The following ALG13 variants were observed in gnomAD, a reference collection of about 807,000 sequenced individuals.
ALG13 encodes ALG13 UDP-N-acetylglucosaminyltransferase subunit.
Under a neutral mutation model 87.8 loss-of-function variants are expected in ALG13, and 11 were observed. The observed-to-expected ratio is 0.13, with a 90% CI of 0.08 to 0.21. The LOEUF is 0.21. Ranked by LOEUF, ALG13 falls within the 10% of genes least tolerant of loss-of-function variation. The pLI is 1.00. For synonymous variants in ALG13, 320 were observed against 306.3 expected, an observed-to-expected ratio of 1.04 and a Z score of -0.47; for missense variants, 756 against 866.1, an observed-to-expected ratio of 0.87 and a Z score of 1.60.
chrX:111,757,138 T>A (rs1945328366), intron 25 of ALG13: 1 of 113,308 alleles, frequency 8.8e-6, no homozygotes, highest in African/African-American at 3.2e-5. Flanking sequence ...TTTTGTATTT[T>A]ACAAACTATG....
At chrX:111,740,246 C>T (rs1221027120) in intron 23 of ALG13, among the ~76,000 whole-genome samples, 1 of 110,665 alleles carries the variant, frequency 9.0e-6, no homozygotes, top group Non-Finnish European at 1.9e-5. Flanking sequence ...AAAGTTATTC[C>T]GAGACTATGT....
intron 8 of ALG13, among the ~76,000 whole-genome samples, chrX:111,715,483 C>T (rs1224964154): frequency 9.0e-6 from 1 of 111,339 alleles, no homozygotes; most frequent in Non-Finnish European, 1.9e-5. Context: ...TTTGGGAGGT[C>T]GAGGTGGGTG....
At chrX:111,733,604 T>C (rs1942944378) in intron 21 of ALG13, among the ~76,000 whole-genome samples, 1 of 111,845 alleles carries the variant, frequency 8.9e-6, no homozygotes, top group Non-Finnish European at 1.9e-5. Flanking sequence ...TAAACATATA[T>C]GTGCTAGTAT....
chrX:111,712,432 A>G, intron 6 of ALG13, 52 bp from the exon 7 acceptor site: 2 of 905,607 alleles, frequency 2.2e-6, no homozygotes, highest in East Asian at 3.2e-5. Flanking sequence ...TGAAAAAACT[A>G]CCTCCTAGCT....
rs779860370 is a variant in ALG13 at position 111,752,794 on chromosome X, A to G, written c.2937A>G (p.Thr979=). ...TTTTTTGATTTTTAATTTTAGATACAAAAGTTTTGCAGTACTATTTCAATC... is the reference window on the plus strand; with the variant it reads ...TTTTTTGATTTTTAATTTTAGATACGAAAGTTTTGCAGTACTATTTCAATC... ...DPSGSDLPQD[T]KVLQYYFNLG... is the part of the protein sequence containing the mutation. Residue 979 remains threonine, a synonymous_variant, in exon 25 of 27, where the codon ACA becomes ACG. Transcript: ENST00000394780. The G allele has an allele frequency of 8.5e-7, 1 of 1,181,721 alleles. No homozygotes were observed. Among genetic ancestry groups the G allele is most frequent in the African/African-American group, 1.8e-5 (1 of 56,481 alleles).
At chrX:111,708,443 A>C (rs1413037074) in intron 4 of ALG13, 50 bp downstream of exon 4, 10 of 1,160,630 alleles carry the variant, frequency 8.6e-6, no homozygotes, top group East Asian at 6.0e-5. Context: ...AGTTTGAGAC[A>C]TGGGATGGTC....
intron 24 of ALG13, among the ~76,000 whole-genome samples, chrX:111,750,033 T>G (rs1202009914): frequency 8.9e-6 from 1 of 111,824 alleles, no homozygotes; most frequent in Non-Finnish European, 1.9e-5. Flanking sequence ...ACAGACTAAG[T>G]ATGGCATTTA....
chrX:111,738,416 C>T (rs1357968056), intron 23 of ALG13, among the ~76,000 whole-genome samples: 1 of 112,089 alleles, frequency 8.9e-6, no homozygotes, highest in Non-Finnish European at 1.9e-5. Context: ...CCTTTGAGCG[C>T]TATGTAGGCA....
At chrX:111,742,165 T>TAAAAA in intron 23 of ALG13, among the ~76,000 whole-genome samples, 1 of 111,995 alleles carries the variant, frequency 8.9e-6, no homozygotes, top group Non-Finnish European at 1.9e-5. Context: ...CTGGCTGATT[T>TAAAAA]TTAGTTGCTC....
At chrX:111,741,196 T>A (rs760015475) in intron 23 of ALG13, among the ~76,000 whole-genome samples, 22 of 112,015 alleles carry the variant, frequency 2.0e-4, no homozygotes, top group Middle Eastern at 4.6e-3. Context: ...AAATCCAGAC[T>A]ATGGGAAGCT....
Position 111,744,725 on chromosome X carries a change from TACCACC to T in ALG13, c.2793_2798del (p.Pro944_Pro945del), listed in dbSNP as rs750710267. 1.7e-4 allele frequency: 183 copies of T among 1,099,206 alleles called. No homozygotes were observed. In the African/African-American group the frequency reaches 3.0e-3, roughly 18 times the overall value. The allele number at this position is 1,099,206 out of a possible 1,213,427, so 90.6% of individuals were successfully genotyped here. ...GCTATTCCTCATGCTGGTGCCTCTC[TACCACC>T]ACCACCACCACCACCACCACCACCA... On this transcript the variant is annotated inframe_deletion, in exon 24 of 27. Transcript: ENST00000394780.
intron 3 of ALG13, among the ~76,000 whole-genome samples, chrX:111,707,080 A>G (rs929367313): frequency 3.6e-5 from 4 of 112,044 alleles, no homozygotes; most frequent in African/African-American, 6.5e-5. Context: ...ACTAGATAGT[A>G]TAGATAATAG....
At chrX:111,724,885 G>A in intron 14 of ALG13, 49 bp from the exon 15 acceptor site, 2 of 1,184,639 alleles carry the variant, frequency 1.7e-6, no homozygotes, top group East Asian at 3.0e-5. Flanking sequence ...TTGAATGAAA[G>A]TTAAGTCTGT....
chrX:111,684,315 C>G (rs1456935704), intron 2 of ALG13, among the ~76,000 whole-genome samples: 1 of 109,988 alleles, frequency 9.1e-6, no homozygotes, highest in East Asian at 2.8e-4. Flanking sequence ...ATATTTTCAA[C>G]TGCTTTTTTT....
intron 3 of ALG13, among the ~76,000 whole-genome samples, chrX:111,694,560 C>A (rs1936689689): frequency 8.9e-6 from 1 of 111,794 alleles, no homozygotes; most frequent in South Asian, 3.7e-4. Flanking sequence ...CTATAATAGA[C>A]TGGTGAAGAA....
chrX:111,718,242 C>T lies in ALG13; in HGVS notation c.1218C>T (p.Ala406=). 1 of 1,194,637 alleles carries T rather than the reference C, an allele frequency of 8.4e-7. No homozygotes were observed. The highest frequency in any genetic ancestry group is 2.3e-5 in the Admixed American group (1 of 43,963). Residue 406 remains alanine (A), a synonymous_variant, in exon 10 of 27, where the codon GCC becomes GCT. Transcript: ENST00000394780. ...ATGCTGTAACTGGAAGCGAGGATGC[C>T]CATACTGATTACAAGAGTTCAAATC... ...RNNAVTGSED[A]HTDYKSSNQN...
At chrX:111,736,276 C>G (rs1242608264) in intron 22 of ALG13, among the ~76,000 whole-genome samples, 1 of 111,741 alleles carries the variant, frequency 8.9e-6, no homozygotes, top group Non-Finnish European at 1.9e-5. Flanking sequence ...TCACTCCAGC[C>G]TGGGCGATGG....
At chrX:111,709,152 A>G in intron 5 of ALG13, 104 bp downstream of exon 5, 1 of 358,631 alleles carries the variant, frequency 2.8e-6, no homozygotes. Flanking sequence ...CTGTCTCCTC[A>G]ATAGCAAATA....
In ALG13 at chrX:111,751,033, C is replaced by G. The variant is rs758236086; in HGVS notation, c.2933-1757C>G. Among the ~76,000 whole-genome samples the G allele has an allele frequency of 2.9e-5, 3 of 102,947 alleles. No homozygotes were observed. The South Asian group carries it at 1.3e-3, about 45-fold the overall frequency. The allele number at this position is 102,947 out of a possible 115,157, so 89.4% of individuals were successfully genotyped here. A position where few individuals can be genotyped will look rare whatever the true frequency, so the allele number is the denominator to read the frequency against. On this transcript the variant is annotated intron_variant, in intron 24 of 26. Coordinates refer to ENST00000394780, the MANE Select transcript of ALG13 (RefSeq NM_001099922.3). ...TTCTTAGACCTAACACTATTATACT[C>G]TTAAAAGACTACAGTATAGTGTATA...
Sources: gnomAD v4.1 joint callset for allele counts (sites outside exome capture counted in the v4.1 genomes callset) on GRCh38, gnomAD v4.1.1 for gene constraint, MANE v1.5 for transcripts, NCBI Gene and HGNC (gene_info 2026-07-23, HGNC 2026-07-21) for gene names.